The following NPL variants were observed in gnomAD, a reference collection of about 807,000 sequenced individuals.
NPL encodes the protein N-acetylneuraminate lyase.
NPL carries 32 observed loss-of-function variants against 41.1 expected under a neutral mutation model. That is an observed-to-expected ratio of 0.78 (90% CI 0.59 to 1.05). NPL has a LOEUF of 1.05. Among genes scored for constraint, NPL ranks in the 50% least tolerant of loss-of-function variants. The pLI is 0.00. For synonymous variants in NPL, 128 were observed against 134.9 expected (o/e 0.95, Z 0.35); for missense variants, 321 against 378.4 (o/e 0.85, Z 1.26).
intron 2 of NPL, among the ~76,000 whole-genome samples, chr1:182,793,330 A>G (rs190080994): frequency 6.6e-6 from 1 of 152,230 alleles, no homozygotes; most frequent in Admixed American, 6.5e-5. Context: ...TTTTACACTG[A>G]TTATGGGCAG....
intron 11 of NPL, among the ~76,000 whole-genome samples, chr1:182,824,235 T>C (rs1281184779): frequency 6.6e-6 from 1 of 152,198 alleles, no homozygotes; most frequent in Non-Finnish European, 1.5e-5. Flanking sequence ...TATATATAGC[T>C]CTTAAAATGA....
intron 7 of NPL, among the ~76,000 whole-genome samples, chr1:182,815,481 A>C (rs746920954): frequency 6.7e-6 from 1 of 150,072 alleles, no homozygotes; most frequent in Non-Finnish European, 1.5e-5. Context: ...TAAATGCAGA[A>C]TAGGTCTAAA....
At chr1:182,805,802 A>G (rs1666991379) in intron 4 of NPL, among the ~76,000 whole-genome samples, 1 of 152,156 alleles carries the variant, frequency 6.6e-6, no homozygotes, top group Non-Finnish European at 1.5e-5. Flanking sequence ...GGTACTAGAT[A>G]GTGTTGATTT....
Position 182,818,626 on chromosome 1 carries a change from C to G in NPL, c.543C>G (p.Asp181Glu), listed in dbSNP as rs1213839161. Residue 181 changes from aspartate (D) to glutamate (E), a missense_variant, in exon 9 of 13, where the codon GAC becomes GAG. Coordinates refer to ENST00000367553, the MANE Select transcript of NPL (RefSeq NM_030769.3). ...GLKFSDTDLL[D>E]FGQCVDQNRQ... ...AATTCAGTGATACAGATCTCTTAGACTTCGGGCAATGTGTTGATCAGAATC... is the reference window on the plus strand; with the variant it reads ...AATTCAGTGATACAGATCTCTTAGAGTTCGGGCAATGTGTTGATCAGAATC... 1 of 1,614,218 alleles carries G rather than the reference C, an allele frequency of 6.2e-7. No homozygotes were observed. The highest frequency in any genetic ancestry group is 1.7e-5 in the Admixed American group (1 of 60,018).
At position 182,795,417 on chromosome 1, in the gene NPL, A is replaced by G. The variant is rs185538722; in HGVS notation, c.68+978A>G. Among the ~76,000 whole-genome samples the G allele has an allele frequency of 4.4e-3, 672 of 152,330 alleles. 2 individuals carry two copies. Among genetic ancestry groups the G allele is most frequent in the African/African-American group, 0.014 (603 of 41,592 alleles). On this transcript the variant is annotated intron_variant, in intron 3 of 12. Transcript: ENST00000367553. ...TGCCTTTATGTCATAAGGCAGAGGCAAAAGGAAGATGTATTTAGTACACCT... is the reference window on the plus strand; with the variant it reads ...TGCCTTTATGTCATAAGGCAGAGGCGAAAGGAAGATGTATTTAGTACACCT...
chr1:182,800,817 C>T (rs1666826039), intron 3 of NPL, among the ~76,000 whole-genome samples: 2 of 150,914 alleles, frequency 1.3e-5, no homozygotes, highest in African/African-American at 2.4e-5. Flanking sequence ...GCAACCTCCA[C>T]CTCCCGGGTT....
At chr1:182,795,799 A>C (rs1666645213) in intron 3 of NPL, 1 of 152,204 alleles carries the variant, frequency 6.6e-6, no homozygotes, top group South Asian at 2.1e-4. Flanking sequence ...AACAGAAGAC[A>C]TGTGATTGCA....
chr1:182,798,637 G>A (rs935203168), intron 3 of NPL, among the ~76,000 whole-genome samples: 1 of 152,172 alleles, frequency 6.6e-6, no homozygotes, highest in African/African-American at 2.4e-5. Context: ...AAAAAGTTGT[G>A]TTTTTTCCCT....
intron 5 of NPL, chr1:182,809,370 C>T (rs1040005194): frequency 3.0e-5 from 9 of 297,006 alleles, no homozygotes; most frequent in African/African-American, 1.8e-4. Flanking sequence ...AAAACCCCGT[C>T]TCTACTAAAA....
intron 5 of NPL, among the ~76,000 whole-genome samples, chr1:182,807,120 A>G (rs1486590017): frequency 1.3e-5 from 2 of 152,238 alleles, no homozygotes; most frequent in African/African-American, 4.8e-5. Context: ...TTACAGGTGT[A>G]AGCCACCACA....
At chr1:182,816,832 C>T in intron 8 of NPL, 26 bp downstream of exon 8, 14 of 1,540,458 alleles carry the variant, frequency 9.1e-6, no homozygotes, top group Non-Finnish European at 1.2e-5. Context: ...GTTGATCTTT[C>T]TTTCCTTCCA....
At chr1:182,802,858 C>T (rs1666890825) in intron 3 of NPL, among the ~76,000 whole-genome samples, 1 of 152,122 alleles carries the variant, frequency 6.6e-6, no homozygotes, top group Non-Finnish European at 1.5e-5. Flanking sequence ...GATCACACGG[C>T]GATCTTGTTA....
Position 182,829,657 on chromosome 1 carries a change from C to A in NPL, c.*749C>A. 6.5e-7 allele frequency: 1 copy of A among 1,547,354 alleles called. No homozygotes were observed. On this transcript the variant is annotated 3_prime_UTR_variant, in exon 13 of 13. Coordinates refer to ENST00000367553, the MANE Select transcript of NPL (RefSeq NM_030769.3). ...CAAAGGACTCTTCCTCTGGGCACCA[C>A]AAACTTCCCCTTCCTCCACTGAGAA...
intron 5 of NPL, among the ~76,000 whole-genome samples, chr1:182,807,133 C>T (rs926888445): frequency 6.6e-6 from 1 of 152,120 alleles, no homozygotes; most frequent in African/African-American, 2.4e-5. Context: ...CCACCACACC[C>T]GGCCAACTAA....
At chr1:182,810,954 T>A (rs1667161053) in intron 5 of NPL, among the ~76,000 whole-genome samples, 1 of 152,170 alleles carries the variant, frequency 6.6e-6, no homozygotes, top group Non-Finnish European at 1.5e-5. Flanking sequence ...AGACTCTAAC[T>A]CTGGGATATA....
rs1339751854 is a variant in NPL, at chr1:182,794,403, T to C, written c.32T>C (p.Leu11Pro). MAFPKKKLQG[L>P]VAATITPMTE... The stretch of plus-strand genomic sequence containing the variant: ...TTCCCAAAGAAGAAACTTCAGGGTC[T>C]TGTGGCTGCAACCATCACGCCAATG... The change falls in exon 3 of 13, where the codon CTT becomes CCT. Residue 11 changes from leucine to proline, a missense_variant. By Grantham distance (98) the Leu-to-Pro change is moderately conservative. Transcript: ENST00000367553. The C allele has an allele frequency of 2.5e-6, 4 of 1,614,104 alleles. No homozygotes were observed. The highest frequency in any genetic ancestry group is 1.7e-5 in the Admixed American group (1 of 60,014).
intron 5 of NPL, among the ~76,000 whole-genome samples, chr1:182,811,890 T>C (rs895872221): frequency 1.3e-5 from 2 of 152,190 alleles, no homozygotes; most frequent in African/African-American, 4.8e-5. Flanking sequence ...GGCTGAATAT[T>C]CTCTGCTGTG....
rs190614320 is a variant in NPL at position 182,818,096 on chromosome 1, A to G, written c.458-445A>G. Among the ~76,000 whole-genome samples the G allele has an allele frequency of 9.8e-5, 15 of 152,324 alleles. No homozygotes were observed. The East Asian group carries it at 2.1e-3, about 22-fold the overall frequency. On this transcript the variant is annotated intron_variant, in intron 8 of 12. Coordinates refer to ENST00000367553, the MANE Select transcript of NPL (RefSeq NM_030769.3). Reference sequence around the variant, plus strand: ...TCTAGCCATCAGTGAACTTCATAGCATACAGAAATATACATATCACTTTGA... The same window carrying G: ...TCTAGCCATCAGTGAACTTCATAGCGTACAGAAATATACATATCACTTTGA...
chr1:182,798,964 A>C (rs1052317491), intron 3 of NPL, among the ~76,000 whole-genome samples: 8 of 152,228 alleles, frequency 5.3e-5, no homozygotes, highest in African/African-American at 1.9e-4. Context: ...GGCAAAAGAA[A>C]ATGGAAAATC....
Sources: allele counts gnomAD v4.1 joint callset (sites outside exome capture counted in the v4.1 genomes callset), GRCh38; gene constraint gnomAD v4.1.1; transcripts MANE v1.5; gene names NCBI Gene and HGNC (gene_info 2026-07-23, HGNC 2026-07-21).